Variants in DOCK7 observed in about 807,000 individuals in gnomAD.
DOCK7 encodes the protein dedicator of cytokinesis protein 7.
DOCK7 carries 138 observed loss-of-function variants against 271.0 expected under a neutral mutation model. The observed-to-expected ratio is 0.51, with a 90% CI of 0.44 to 0.59. The LOEUF (loss-of-function observed/expected upper bound fraction) is 0.59. Among genes scored for constraint, DOCK7 ranks in the 20% least tolerant of loss-of-function variants. The pLI, the probability that DOCK7 is intolerant of heterozygous loss-of-function variation, is 0.00. For synonymous variants in DOCK7, 823 were observed against 876.1 expected (o/e 0.94, Z 1.07); for missense variants, 2,066 against 2,592.4 (o/e 0.80, Z 4.41).
At chr1:62,688,195 C>T (rs183409343) in intron 1 of DOCK7, 32 bp downstream of exon 1, 7 of 1,362,152 alleles carry the variant, frequency 5.1e-6, no homozygotes, top group African/African-American at 1.5e-5. Context: ...TCTCGGGCGG[C>T]GGCGGCGGCG....
intron 48 of DOCK7, among the ~76,000 whole-genome samples, chr1:62,473,710 A>G (rs1645894522): frequency 6.6e-6 from 1 of 152,040 alleles, no homozygotes; most frequent in African/African-American, 2.4e-5. Context: ...CAGCCTCCCG[A>G]GTAGCTGGCA....
In DOCK7 at chr1:62,505,758, AG is replaced by A; in HGVS notation, c.4534del (p.Leu1512TyrfsTer68). 1 of 1,613,794 alleles carries A rather than the reference AG, an allele frequency of 6.2e-7. No individual in the cohort carries two copies. The highest frequency in any genetic ancestry group is 1.1e-5 in the South Asian group (1 of 91,036). On this transcript the variant is annotated frameshift_variant, in exon 36 of 50. Coordinates refer to ENST00000635253, the MANE Select transcript of DOCK7 (RefSeq NM_001367561.1). LOFTEE classifies it high-confidence loss of function. Reference sequence around the variant, plus strand: ...ACTTTGGTTACAGGCCATGCTGTGTAGTAGCACTTTTAGCACTCCACCAAGA... The same window carrying A: ...ACTTTGGTTACAGGCCATGCTGTGTATAGCACTTTTAGCACTCCACCAAGA... ...SILGGVLKVL[L>X]HSMACNQSAV...
chr1:62,525,775 T>A (rs1644988594), intron 31 of DOCK7, among the ~76,000 whole-genome samples: 1 of 152,148 alleles, frequency 6.6e-6, no homozygotes, highest in South Asian at 2.1e-4. Context: ...ATAAAAAAAA[T>A]TTGCTACACT....
chr1:62,467,473 A>G (rs1193964595), intron 48 of DOCK7, among the ~76,000 whole-genome samples: 2 of 152,238 alleles, frequency 1.3e-5, no homozygotes, highest in African/African-American at 4.8e-5. Context: ...ACCATCTGGC[A>G]TAAGGGTTTC....
intron 40 of DOCK7, among the ~76,000 whole-genome samples, chr1:62,493,888 T>C (rs2149297537): frequency 6.6e-6 from 1 of 152,314 alleles, no homozygotes; most frequent in African/African-American, 2.4e-5. Context: ...AATAATCTAA[T>C]ATTTTATGTA....
At chr1:62,587,838 G>C (rs551194464) in intron 14 of DOCK7, among the ~76,000 whole-genome samples, 4 of 152,122 alleles carry the variant, frequency 2.6e-5, no homozygotes, top group Non-Finnish European at 5.9e-5. Context: ...GAGAGACAGA[G>C]TGGATAAAAT....
chr1:62,598,807 G>T (rs1356179821), intron 14 of DOCK7: 1 of 1,554,904 alleles, frequency 6.4e-7, no homozygotes, highest in East Asian at 2.3e-5. Context: ...AGAAAATCAG[G>T]TAAGTCAGTA....
intron 1 of DOCK7, among the ~76,000 whole-genome samples, chr1:62,673,956 G>T (rs140695853): frequency 6.6e-6 from 1 of 151,604 alleles, no homozygotes; most frequent in Admixed American, 6.6e-5. Flanking sequence ...GAGGGGGAAG[G>T]GGGGGAGGTA....
chr1:62,670,363 G>C (rs1659831239), intron 1 of DOCK7, among the ~76,000 whole-genome samples: 1 of 152,254 alleles, frequency 6.6e-6, no homozygotes, highest in Non-Finnish European at 1.5e-5. Flanking sequence ...TGAGTCTGGT[G>C]GGGACGTGGA....
intron 31 of DOCK7, among the ~76,000 whole-genome samples, chr1:62,525,689 T>C (rs1267132584): frequency 2.6e-5 from 4 of 152,224 alleles, no homozygotes; most frequent in African/African-American, 4.8e-5. Flanking sequence ...ATGCTGCTGT[T>C]TATTTTATTA....
At chr1:62,527,647 A>T (rs1645049948) in intron 31 of DOCK7, among the ~76,000 whole-genome samples, 1 of 149,638 alleles carries the variant, frequency 6.7e-6, no homozygotes, top group East Asian at 2.0e-4. Flanking sequence ...CAAACACCGC[A>T]TGTTCTCACT....
intron 1 of DOCK7, among the ~76,000 whole-genome samples, chr1:62,682,519 G>T (rs946673031): frequency 3.7e-4 from 56 of 152,230 alleles, no homozygotes; most frequent in African/African-American, 1.3e-3. Context: ...AACAGGGAAG[G>T]GGGTGGAGGG....
chr1:62,653,585 T>TAC, intron 4 of DOCK7, 140 bp downstream of exon 4: 1 of 615,028 alleles, frequency 1.6e-6, no homozygotes. Flanking sequence ...TAAATATCTA[T>TAC]ACACAAAAGT....
At chr1:62,586,016 C>T (rs1234513807) in intron 15 of DOCK7, among the ~76,000 whole-genome samples, 1 of 152,088 alleles carries the variant, frequency 6.6e-6, no homozygotes, top group Admixed American at 6.5e-5. Flanking sequence ...AGTTTGTCAA[C>T]CAAGGTAGGA....
At chr1:62,483,932 A>G (rs544086210) in intron 43 of DOCK7, 2 of 152,254 alleles carry the variant, frequency 1.3e-5, no homozygotes, top group Admixed American at 1.3e-4. Flanking sequence ...ACTACCCAAA[A>G]GTACTTGTTT....
intron 1 of DOCK7, among the ~76,000 whole-genome samples, chr1:62,684,695 ATTCCATAAAT>A (rs1196883636): frequency 6.6e-6 from 1 of 152,232 alleles, no homozygotes; most frequent in African/African-American, 2.4e-5. Flanking sequence ...TACAGTCTAC[ATTCCATAAAT>A]CCATGGGCCT....
intron 7 of DOCK7, among the ~76,000 whole-genome samples, chr1:62,637,732 C>T (rs1655459060): frequency 6.6e-6 from 1 of 152,182 alleles, no homozygotes; most frequent in Non-Finnish European, 1.5e-5. Flanking sequence ...GAAACAACTA[C>T]AGAGTGCCAT....
At chr1:62,668,310 G>A (rs1421449746) in intron 1 of DOCK7, among the ~76,000 whole-genome samples, 1 of 152,274 alleles carries the variant, frequency 6.6e-6, no homozygotes, top group South Asian at 2.1e-4. Flanking sequence ...CTAAGTTTTA[G>A]TGTAAAAAAG....
At chr1:62,649,247 AT>A (rs1357506088) in intron 4 of DOCK7, among the ~76,000 whole-genome samples, 3 of 152,162 alleles carry the variant, frequency 2.0e-5, no homozygotes, top group Non-Finnish European at 4.4e-5. Flanking sequence ...CTGAAGGAAC[AT>A]TTTAGTTGAA....
Sources: allele counts gnomAD v4.1 joint callset (sites outside exome capture counted in the v4.1 genomes callset), GRCh38; gene constraint gnomAD v4.1.1; transcripts MANE v1.5; gene names NCBI Gene and HGNC (gene_info 2026-07-23, HGNC 2026-07-21).